ASAP1: variants seen among roughly 807,000 people sequenced by gnomAD.
The protein encoded by ASAP1 is ArfGAP with SH3 domain, ankyrin repeat and PH domain 1, also known as arf-GAP with SH3 domain, ANK repeat and PH domain-containing protein 1.
ASAP1 carries 43 observed loss-of-function variants against 145.2 expected under a neutral mutation model. The ratio of observed to expected loss-of-function variants is 0.30; its 90% confidence interval spans 0.23 to 0.38. The LOEUF (loss-of-function observed/expected upper bound fraction) is 0.38. Ranked by LOEUF, ASAP1 falls within the 10% of genes least tolerant of loss-of-function variation. The probability of loss-of-function intolerance (pLI) is 1.00; values close to 1 mark genes in which losing one functional copy is unlikely to be tolerated. For missense variants in ASAP1, 1,018 were observed against 1,355.3 expected (o/e 0.75, Z 3.91); for synonymous variants, 546 against 515.5 (o/e 1.06, Z -0.80).
At chr8:130,406,859 T>C (rs753693356) in intron 1 of ASAP1, among the ~76,000 whole-genome samples, 11 of 152,076 alleles carry the variant, frequency 7.2e-5, no homozygotes, top group Non-Finnish European at 1.3e-4. Context: ...TAAAAGAAAA[T>C]AGACCAAACT....
chr8:130,079,876 G>A, intron 26 of ASAP1, 26 bp downstream of exon 26: 1 of 1,605,186 alleles, frequency 6.2e-7, no homozygotes, highest in Non-Finnish European at 8.5e-7. Flanking sequence ...ATCCAACAGG[G>A]GAAATGAAGC....
chr8:130,334,864 C>T (rs1333236110), intron 3 of ASAP1, among the ~76,000 whole-genome samples: 1 of 152,214 alleles, frequency 6.6e-6, no homozygotes, highest in Admixed American at 6.5e-5. Flanking sequence ...AAATCATCAT[C>T]CCACTAACAA....
intron 5 of ASAP1, among the ~76,000 whole-genome samples, chr8:130,198,211 G>A (rs1815635905): frequency 6.7e-6 from 1 of 148,748 alleles, no homozygotes; most frequent in South Asian, 2.1e-4. Context: ...TGCAACCTCT[G>A]CCTCCTGGGT....
In ASAP1 at chr8:130,225,442, T is replaced by C. The variant is rs1352663421; in HGVS notation, c.260-10741A>G. On this transcript the variant is annotated intron_variant, in intron 4 of 29. Coordinates refer to ENST00000518721, the MANE Select transcript of ASAP1 (RefSeq NM_018482.4). The stretch of plus-strand genomic sequence containing the variant: ...TTCGTTAAAGTAAGTTATTAAACTT[T>C]TTAAAGTTTTATTCACTTCAATATT... 2.6e-5 allele frequency among the ~76,000 whole-genome samples: 4 copies of C among 152,368 alleles called. No homozygotes were observed. The East Asian group carries it at 7.7e-4, about 29-fold the overall frequency.
At chr8:130,182,131 C>T (rs1814396858) in intron 7 of ASAP1, among the ~76,000 whole-genome samples, 1 of 152,226 alleles carries the variant, frequency 6.6e-6, no homozygotes, top group African/African-American at 2.4e-5. Flanking sequence ...AATCTCAGCT[C>T]TTTCTCCACT....
intron 5 of ASAP1, among the ~76,000 whole-genome samples, chr8:130,199,872 G>A (rs1815755461): frequency 1.3e-5 from 2 of 152,296 alleles, no homozygotes; most frequent in South Asian, 2.1e-4. Flanking sequence ...TGGTAAAGCC[G>A]GAGAGTTAGA....
intron 3 of ASAP1, among the ~76,000 whole-genome samples, chr8:130,271,197 C>G (rs1399466447): frequency 1.3e-5 from 2 of 152,164 alleles, no homozygotes; most frequent in Non-Finnish European, 2.9e-5. Flanking sequence ...TAAAACTGAA[C>G]TCGACCAGAA....
intron 4 of ASAP1, among the ~76,000 whole-genome samples, chr8:130,223,915 A>T (rs143308870): frequency 6.9e-4 from 105 of 152,270 alleles, no homozygotes; most frequent in African/African-American, 2.5e-3. Context: ...GCTGGGATAC[A>T]CGCATTATTA....
At chr8:130,396,681 G>A (rs534857629) in intron 2 of ASAP1, among the ~76,000 whole-genome samples, 17 of 152,184 alleles carry the variant, frequency 1.1e-4, no homozygotes, top group Non-Finnish European at 1.0e-4. Flanking sequence ...CCAGGGACAC[G>A]TTTCCCGTCC....
intron 13 of ASAP1, among the ~76,000 whole-genome samples, chr8:130,139,767 AAAAG>A (rs1398629349): frequency 1.3e-5 from 2 of 151,914 alleles, no homozygotes; most frequent in Non-Finnish European, 1.5e-5. Context: ...AACAAAAAAA[AAAAG>A]AAAAAGAAAA....
chr8:130,402,040 G>T, intron 1 of ASAP1, 70 bp from the exon 2 acceptor site: 1 of 1,030,534 alleles, frequency 9.7e-7, no homozygotes, highest in Non-Finnish European at 1.5e-6. Context: ...CATTGTCTCA[G>T]ACCAAGATCG....
chr8:130,151,674 T>C (rs2097646691), intron 13 of ASAP1, among the ~76,000 whole-genome samples: 1 of 152,236 alleles, frequency 6.6e-6, no homozygotes, highest in African/African-American at 2.4e-5. Flanking sequence ...ATCTTTAAGA[T>C]GTGTGCAGTC....
chr8:130,065,937 T>C lies in ASAP1; in HGVS notation c.2702-4868A>G, dbSNP rs576560840. Among the ~76,000 whole-genome samples the C allele has an allele frequency of 4.6e-5, 7 of 152,288 alleles. No individual in the cohort carries two copies. The East Asian group carries it at 1.2e-3, about 25-fold the overall frequency. On this transcript the variant is annotated intron_variant, in intron 27 of 29. Transcript: ENST00000518721. ...AGAGATCAGCTGATGGTTAGCTAGA[T>C]CCAGTTCCTTCTTGGGCCGTTTTCC...
At chr8:130,429,610 C>T (rs1475040082) in intron 1 of ASAP1, among the ~76,000 whole-genome samples, 2 of 152,180 alleles carry the variant, frequency 1.3e-5, no homozygotes, top group Non-Finnish European at 2.9e-5. Flanking sequence ...TATGATTACC[C>T]TCTGTAGACT....
At chr8:130,434,107 GGAGT>G (rs1276100201) in intron 1 of ASAP1, among the ~76,000 whole-genome samples, 1 of 152,182 alleles carries the variant, frequency 6.6e-6, no homozygotes, top group Non-Finnish European at 1.5e-5. Context: ...CTTGAGTCCA[GGAGT>G]TCGAGACCAA....
At chr8:130,237,063 C>A (rs1006845168) in intron 3 of ASAP1, 69 bp from the exon 4 acceptor site, 6 of 1,218,338 alleles carry the variant, frequency 4.9e-6, no homozygotes, top group Non-Finnish European at 6.8e-6. Flanking sequence ...AAGAAAAATT[C>A]ATTTGTAATT....
intron 2 of ASAP1, among the ~76,000 whole-genome samples, chr8:130,370,526 A>C (rs1827165828): frequency 6.6e-6 from 1 of 152,224 alleles, no homozygotes; most frequent in African/African-American, 2.4e-5. Flanking sequence ...ATAGCAGCCC[A>C]AACTGACTAA....
chr8:130,177,013 A>G (rs1814007296), intron 9 of ASAP1, among the ~76,000 whole-genome samples: 1 of 152,078 alleles, frequency 6.6e-6, no homozygotes, highest in Non-Finnish European at 1.5e-5. Flanking sequence ...TTGATGCTCC[A>G]TGGTACCCGT....
intron 5 of ASAP1, among the ~76,000 whole-genome samples, chr8:130,198,728 C>G (rs1159793243): frequency 6.6e-6 from 1 of 152,186 alleles, no homozygotes; most frequent in Admixed American, 6.5e-5. Flanking sequence ...GTGAGTAAAG[C>G]AGATGATCAG....
Sources: allele counts gnomAD v4.1 joint callset (sites outside exome capture counted in the v4.1 genomes callset), GRCh38; gene constraint gnomAD v4.1.1; transcripts MANE v1.5; gene names NCBI Gene and HGNC (gene_info 2026-07-23, HGNC 2026-07-21).